The following CFDP1 variants were observed in gnomAD, a reference collection of about 807,000 sequenced individuals.
CFDP1 encodes the protein chromatin remodeling protein CFDP1.
A neutral mutation model predicts 40.1 loss-of-function variants in CFDP1; 31 were observed. The observed-to-expected ratio is 0.77, with a 90% CI of 0.58 to 1.04. The LOEUF (loss-of-function observed/expected upper bound fraction) is 1.04, where lower values mean the gene tolerates loss of function less well. Ranked by LOEUF, CFDP1 falls within the 50% of genes least tolerant of loss-of-function variation. CFDP1 has a pLI of 0.00. For missense variants in CFDP1, 423 were observed against 343.4 expected (o/e 1.23, Z -1.83); for synonymous variants, 167 against 120.0 (o/e 1.39, Z -2.56).
intron 1 of CFDP1, among the ~76,000 whole-genome samples, chr16:75,432,532 C>A (rs1181057294): frequency 6.6e-6 from 1 of 151,990 alleles, no homozygotes; most frequent in African/African-American, 2.4e-5. Context: ...GCCTAGACAA[C>A]AGCAAGACCC....
chr16:75,395,095 C>G lies in CFDP1; in HGVS notation c.645G>C (p.Gly215=), dbSNP rs541463338. 36 of 1,613,646 alleles carry G rather than the reference C, an allele frequency of 2.2e-5. No homozygotes were observed. The South Asian group carries it at 3.4e-4, about 15-fold the overall frequency. The change falls in exon 5 of 7, where the codon GGG becomes GGC. Residue 215 remains glycine (G), a synonymous_variant. Coordinates refer to ENST00000283882, the MANE Select transcript of CFDP1 (RefSeq NM_006324.3). The part of the protein sequence containing the change: ...VPSALPSLPA[G]SGLKRSSGMS... Reference sequence around the variant, plus strand: ...AGTGAGACTCAAATACTCACCCTGACCCGGCAGGGAGTGATGGCAGAGCTG... The same window carrying G: ...AGTGAGACTCAAATACTCACCCTGAGCCGGCAGGGAGTGATGGCAGAGCTG...
intron 5 of CFDP1, among the ~76,000 whole-genome samples, chr16:75,377,088 G>A (rs540210084): frequency 1.3e-5 from 2 of 152,294 alleles, no homozygotes; most frequent in African/African-American, 2.4e-5. Context: ...ATTACTTCCT[G>A]AGCAAAGCCA....
At chr16:75,346,516 G>C (rs2078565613) in intron 5 of CFDP1, among the ~76,000 whole-genome samples, 1 of 140,272 alleles carries the variant, frequency 7.1e-6, no homozygotes, top group Non-Finnish European at 1.5e-5. Context: ...CTGGGAGACG[G>C]AGCTTGCAGT....
intron 5 of CFDP1, among the ~76,000 whole-genome samples, chr16:75,352,377 A>C (rs1244899020): frequency 1.3e-5 from 2 of 151,940 alleles, no homozygotes; most frequent in Non-Finnish European, 2.9e-5. Context: ...AACCAACAAA[A>C]AGACCACCCA....
intron 4 of CFDP1, among the ~76,000 whole-genome samples, chr16:75,400,248 C>T (rs166013): frequency 0.42 from 63,143 of 151,552 alleles, 14,453 homozygotes; most frequent in African/African-American, 0.62. Flanking sequence ...TGGAACTATA[C>T]AGCCTAGGCA....
rs138608455 is a variant in CFDP1 at position 75,366,350 on chromosome 16, T to G, written c.650+28740A>C. 3.3e-3 allele frequency among the ~76,000 whole-genome samples: 502 copies of G among 152,258 alleles called. 2 individuals carry two copies. The highest frequency in any genetic ancestry group is 0.012 in the African/African-American group (489 of 41,558). ...TTTTTGGATGAACTTCAAAAACACC[T>G]TATAGCGAGGCCAGGCACAGTGGCT... On this transcript the variant is annotated intron_variant, in intron 5 of 6. Transcript: ENST00000283882.
chr16:75,338,029 G>A (rs771844694), intron 5 of CFDP1, among the ~76,000 whole-genome samples: 4 of 152,022 alleles, frequency 2.6e-5, no homozygotes, highest in East Asian at 3.9e-4. Context: ...TTATTCACAC[G>A]GCATTCTCTC....
At chr16:75,296,181 T>C (rs1229113892) in intron 6 of CFDP1, among the ~76,000 whole-genome samples, 1 of 152,196 alleles carries the variant, frequency 6.6e-6, no homozygotes, top group Non-Finnish European at 1.5e-5. Flanking sequence ...GTGCTACCTG[T>C]CTGGGAGATC....
At chr16:75,308,029 G>T (rs2151501950) in intron 5 of CFDP1, among the ~76,000 whole-genome samples, 1 of 152,294 alleles carries the variant, frequency 6.6e-6, no homozygotes, top group East Asian at 1.9e-4. Context: ...ATGGTTCTGG[G>T]CAAGTGCAGA....
At chr16:75,350,842 T>A (rs2078605710) in intron 5 of CFDP1, among the ~76,000 whole-genome samples, 1 of 152,128 alleles carries the variant, frequency 6.6e-6, no homozygotes, top group African/African-American at 2.4e-5. Context: ...GCAAGATAAA[T>A]AAAAATTTAA....
intron 6 of CFDP1, among the ~76,000 whole-genome samples, chr16:75,294,587 A>G (rs1190307944): frequency 6.6e-6 from 1 of 152,218 alleles, no homozygotes; most frequent in Non-Finnish European, 1.5e-5. Context: ...AGGTGAAGTG[A>G]GCTGAGGTTC....
chr16:75,379,855 T>C (rs915680918), intron 5 of CFDP1: 2 of 152,096 alleles, frequency 1.3e-5, no homozygotes, highest in African/African-American at 2.4e-5. Context: ...GGTAAAGGGA[T>C]TGCTGGGCGT....
chr16:75,312,451 C>T (rs999697521), intron 5 of CFDP1, among the ~76,000 whole-genome samples: 1 of 152,162 alleles, frequency 6.6e-6, no homozygotes, highest in Admixed American at 6.6e-5. Flanking sequence ...GAAAAGCTGG[C>T]AAGTAGCAAC....
In CFDP1 at chr16:75,357,645, G is replaced by A. The variant is rs189997907; in HGVS notation, c.650+37445C>T. Among the ~76,000 whole-genome samples, 1,181 of 152,282 alleles carry A rather than the reference G, an allele frequency of 7.8e-3. 10 individuals carry two copies. The highest frequency in any genetic ancestry group is 0.013 in the Non-Finnish European group (857 of 68,024). ...AGCTTCCTCTCCCTCAGCCTTCATAGAATTGAAGGGTTAAGGCCTTACTCT... is the reference window on the plus strand; with the variant it reads ...AGCTTCCTCTCCCTCAGCCTTCATAAAATTGAAGGGTTAAGGCCTTACTCT... On this transcript the variant is annotated intron_variant, in intron 5 of 6. Transcript: ENST00000283882.
chr16:75,433,086 G>A (rs1012620678), intron 1 of CFDP1, among the ~76,000 whole-genome samples: 3 of 152,196 alleles, frequency 2.0e-5, no homozygotes, highest in African/African-American at 2.4e-5. Context: ...GCTGCCCAAC[G>A]GGAGGGGAGC....
At position 75,294,059 on chromosome 16, in the gene CFDP1, G is replaced by GT; in HGVS notation, c.810-18dup. 1 of 1,591,080 alleles carries GT rather than the reference G, an allele frequency of 6.3e-7. No homozygotes were observed. Among genetic ancestry groups the GT allele is most frequent in the East Asian group, 2.2e-5 (1 of 44,794 alleles). On this transcript the variant is annotated splice_polypyrimidine_tract_variant and intron_variant, in intron 6 of 6. Coordinates refer to ENST00000283882, the MANE Select transcript of CFDP1 (RefSeq NM_006324.3). The stretch of plus-strand genomic sequence containing the variant: ...TCAATGTACCTAGAAGATGAAAACA[G>GT]TGTTTGTCAGTAGAATCCAGTAGGA...
chr16:75,349,496 G>A lies in CFDP1; in HGVS notation c.651-44314C>T, dbSNP rs576644058. Reference sequence around the variant, plus strand: ...TGCACTCTAGCCTGGGTGACAGAGCGAGACTCTGTCTCAAAAAAAGAAAAA... The same window carrying A: ...TGCACTCTAGCCTGGGTGACAGAGCAAGACTCTGTCTCAAAAAAAGAAAAA... On this transcript the variant is annotated intron_variant, in intron 5 of 6. Transcript: ENST00000283882. Among the ~76,000 whole-genome samples, 507 of 149,188 alleles carry A rather than the reference G, an allele frequency of 3.4e-3. 1 individual carries two copies. The highest frequency in any genetic ancestry group is 0.012 in the African/African-American group (468 of 40,368).
At chr16:75,361,137 G>A (rs944970097) in intron 5 of CFDP1, among the ~76,000 whole-genome samples, 4 of 152,072 alleles carry the variant, frequency 2.6e-5, no homozygotes, top group Non-Finnish European at 5.9e-5. Flanking sequence ...AGCCTCTGTA[G>A]TAGCTGGGAA....
intron 5 of CFDP1, among the ~76,000 whole-genome samples, chr16:75,362,078 G>A (rs943973231): frequency 6.6e-6 from 1 of 151,746 alleles, no homozygotes; most frequent in South Asian, 2.1e-4. Flanking sequence ...TGCCGCAATC[G>A]AATGCTTGCT....
Sources: allele counts gnomAD v4.1 joint callset (sites outside exome capture counted in the v4.1 genomes callset), GRCh38; gene constraint gnomAD v4.1.1; transcripts MANE v1.5; gene names NCBI Gene and HGNC (gene_info 2026-07-23, HGNC 2026-07-21).